DNAH17: variants seen among roughly 807,000 people sequenced by gnomAD.
The protein encoded by DNAH17 is axonemal beta dynein heavy chain 17.
A neutral mutation model predicts 485.6 loss-of-function variants in DNAH17; 376 were observed. The ratio of observed to expected loss-of-function variants is 0.77; its 90% CI spans 0.71 to 0.84. DNAH17 has a LOEUF of 0.84. Ranked by LOEUF, DNAH17 falls within the 40% of genes least tolerant of loss-of-function variation. The pLI is 0.00. For synonymous variants in DNAH17, 3,031 were observed against 2,405.9 expected, an observed-to-expected ratio of 1.26 and a Z score of -7.60; for missense variants, 6,370 against 5,839.3, an observed-to-expected ratio of 1.09 and a Z score of -2.96.
chr17:78,435,378 C>T (rs1333974492), intron 74 of DNAH17, among the ~76,000 whole-genome samples: 3 of 152,132 alleles, frequency 2.0e-5, no homozygotes, highest in Non-Finnish European at 4.4e-5. Context: ...TTCCTGTGGG[C>T]CCTTGTTTTC....
Position 78,475,363 on chromosome 17 carries a change from C to A in DNAH17, c.8426G>T (p.Ser2809Ile). Reference protein sequence around the residue: ...LVGVGGSGKQSLSRLAAYISG... With the variant: ...LVGVGGSGKQILSRLAAYISG... ...GATGTACGCTGCCAGGCGGGAGAGG[C>A]TCTGTTTGCCACTGCCGCCCACCCC... Residue 2809 changes from serine (S) to isoleucine (I), a missense_variant, in exon 54 of 81, where the codon AGC becomes ATC. Transcript: ENST00000389840. 1 of 1,614,012 alleles carries A rather than the reference C, an allele frequency of 6.2e-7. No homozygotes were observed. Among genetic ancestry groups the A allele is most frequent in the Non-Finnish European group, 8.5e-7 (1 of 1,179,904 alleles).
intron 51 of DNAH17, among the ~76,000 whole-genome samples, chr17:78,477,931 CATCACCACCATCACCATT>C (rs1380819261): frequency 1.5e-4 from 22 of 149,152 alleles, no homozygotes; most frequent in African/African-American, 5.4e-4. Context: ...TCACCACCAT[CATCACCACCATCACCATT>C]ATCATCTCCA....
chr17:78,449,478 A>T lies in DNAH17; in HGVS notation c.11147T>A (p.Met3716Lys). ...CTCGAAGAGTCCCCGGGCCGTGTAC[A>T]TGTAGACGGAGTAGGTGATCTCGTC... Reference protein sequence around the residue: ...LTDEITYSVYMYTARGLFERD... With the variant: ...LTDEITYSVYKYTARGLFERD... The change falls in exon 69 of 81, where the codon ATG (methionine) becomes AAG (lysine). Residue 3716 changes from methionine (M) to lysine (K), a missense_variant. Coordinates refer to ENST00000389840, the MANE Select transcript of DNAH17 (RefSeq NM_173628.4). The T allele has an allele frequency of 6.4e-7, 1 of 1,567,730 alleles. No individual in the cohort carries two copies. Among genetic ancestry groups the T allele is most frequent in the Non-Finnish European group, 8.7e-7 (1 of 1,156,046 alleles).
chr17:78,469,006 C>G (rs1329326011), intron 54 of DNAH17, 123 bp from the exon 55 acceptor site: 1 of 1,263,972 alleles, frequency 7.9e-7, no homozygotes, highest in Non-Finnish European at 1.1e-6. Flanking sequence ...CTCTGTCGCC[C>G]AGGCTGGAGT....
chr17:78,451,817 T>TCTC lies in DNAH17; in HGVS notation c.10530-147_10530-145dup, dbSNP rs1210958442. 14 of 642,516 alleles carry TCTC rather than the reference T, an allele frequency of 2.2e-5. No homozygotes were observed. In the African/African-American group the frequency reaches 2.6e-4, roughly 12 times the overall value. 39.8% of individuals were successfully genotyped at this position (642,516 alleles called of 1,614,324 possible). A position where few individuals can be genotyped will look rare whatever the true frequency, so the allele number is the denominator to read the frequency against. ...CTGGTCCCTGGAAGAGCACTGCACC[T>TCTC]CTCCTTGTCTGTTCCTCCTCCCTGG... On this transcript the variant is annotated intron_variant, in intron 65 of 80. Coordinates refer to ENST00000389840, the MANE Select transcript of DNAH17 (RefSeq NM_173628.4).
chr17:78,500,690 G>A (rs2090253307), intron 35 of DNAH17: 1 of 346,658 alleles, frequency 2.9e-6, no homozygotes, highest in Non-Finnish European at 5.2e-6. Context: ...TGTATTTTCA[G>A]TAGAGATGAG....
intron 55 of DNAH17, among the ~76,000 whole-genome samples, chr17:78,468,101 C>A (rs1000045523): frequency 3.4e-5 from 5 of 148,844 alleles, no homozygotes. Context: ...AGGGGGTCCA[C>A]ATAGAGTCGG....
chr17:78,532,569 C>A lies in DNAH17; in HGVS notation c.3027G>T (p.Gly1009=), dbSNP rs369923345. 11 of 1,609,974 alleles carry A rather than the reference C, an allele frequency of 6.8e-6. No individual in the cohort carries two copies. The African/African-American group carries it at 1.3e-4, about 20-fold the overall frequency. Residue 1009 remains glycine (G), a synonymous_variant, in exon 20 of 81, where the codon GGG becomes GGT. Transcript: ENST00000389840. ...CCAAGTCCTCCGCAGTGACTGCACA[C>A]CCATATATCAGGAAATTCTTCATAA... ...QEFMKNFLIY[G]CAVTAEDLDT... is the part of the protein sequence containing the mutation.
chr17:78,527,117 T>C, intron 22 of DNAH17, 121 bp from the exon 23 acceptor site: 1 of 763,398 alleles, frequency 1.3e-6, no homozygotes, highest in Admixed American at 2.9e-5. Flanking sequence ...GCGCGGTGGC[T>C]CACACCTGTA....
In DNAH17 at chr17:78,566,858, C is replaced by T. The variant is rs78865352; in HGVS notation, c.1453-128G>A. 4,999 of 1,294,428 alleles carry T rather than the reference C, an allele frequency of 3.9e-3. 147 individuals carry two copies. In the African/African-American group the frequency reaches 0.062, roughly 16 times the overall value. 80.2% of individuals were successfully genotyped at this position (1,294,428 alleles called of 1,614,324 possible). A position where few individuals can be genotyped will look rare whatever the true frequency, so the allele number is the denominator to read the frequency against. ...CAGCTGAATGTGCTGTTGCGGGGAC[C>T]GCTCTACACAGTTTTCAAAGTGTTG... On this transcript the variant is annotated intron_variant, in intron 10 of 80. Coordinates refer to ENST00000389840, the MANE Select transcript of DNAH17 (RefSeq NM_173628.4).
intron 17 of DNAH17, among the ~76,000 whole-genome samples, chr17:78,543,258 G>T (rs553660513): frequency 4.0e-5 from 6 of 151,652 alleles, no homozygotes; most frequent in African/African-American, 1.2e-4. Context: ...GGGATTACAG[G>T]CATGTGCCAA....
At chr17:78,550,146 G>A (rs1012750256) in intron 16 of DNAH17, among the ~76,000 whole-genome samples, 1 of 152,218 alleles carries the variant, frequency 6.6e-6, no homozygotes, top group Non-Finnish European at 1.5e-5. Flanking sequence ...GAGGAGCGAC[G>A]TCATGCCCAC....
At chr17:78,549,079 T>C (rs923517498) in intron 16 of DNAH17, among the ~76,000 whole-genome samples, 7 of 152,240 alleles carry the variant, frequency 4.6e-5, no homozygotes, top group Admixed American at 6.5e-5. Flanking sequence ...AGAGCCCCTA[T>C]TGGGTGAGTG....
chr17:78,470,965 G>A (rs895418136), intron 54 of DNAH17, among the ~76,000 whole-genome samples: 1 of 152,144 alleles, frequency 6.6e-6, no homozygotes, highest in African/African-American at 2.4e-5. Flanking sequence ...AGTAGGAATA[G>A]CTCGTTATTT....
chr17:78,427,952 G>A (rs2086533699), intron 77 of DNAH17, among the ~76,000 whole-genome samples: 1 of 129,112 alleles, frequency 7.7e-6, no homozygotes, highest in South Asian at 2.6e-4. Flanking sequence ...GGCAACGAGA[G>A]CAAAACTCCG....
At chr17:78,468,039 A>C (rs1598504621) in intron 55 of DNAH17, among the ~76,000 whole-genome samples, 1 of 143,060 alleles carries the variant, frequency 7.0e-6, no homozygotes, top group Non-Finnish European at 1.5e-5. Flanking sequence ...AAAAAGAGAG[A>C]GAGAGAGAGT....
chr17:78,468,740 A>C lies in DNAH17; in HGVS notation c.8655T>G (p.Phe2885Leu). 1 of 1,614,030 alleles carries C rather than the reference A, an allele frequency of 6.2e-7. No homozygotes were observed. The highest frequency in any genetic ancestry group is 8.5e-7 in the Non-Finnish European group (1 of 1,179,894). Residue 2885 changes from phenylalanine (F) to leucine (L), a missense_variant, in exon 55 of 81, where the codon TTT (phenylalanine) becomes TTG (leucine). Transcript: ENST00000389840. Reference protein sequence around the residue: ...LLASGEIPGLFMEDEVENIIS... With the variant: ...LLASGEIPGLLMEDEVENIIS... ...TGATGTTCTCCACCTCGTCCTCCATAAACAGCCCAGGGATCTCTCCTGAGG... is the reference window on the plus strand; with the variant it reads ...TGATGTTCTCCACCTCGTCCTCCATCAACAGCCCAGGGATCTCTCCTGAGG...
chr17:78,451,067 G>A (rs1422781840), intron 66 of DNAH17, among the ~76,000 whole-genome samples: 1 of 152,224 alleles, frequency 6.6e-6, no homozygotes, highest in Non-Finnish European at 1.5e-5. Flanking sequence ...GACTGTAGGG[G>A]GCAGAACGGG....
In DNAH17 at chr17:78,431,798, C is replaced by T. The variant is rs527909192; in HGVS notation, c.12225+2231G>A. On this transcript the variant is annotated intron_variant, in intron 75 of 80. Coordinates refer to ENST00000389840, the MANE Select transcript of DNAH17 (RefSeq NM_173628.4). ...TCAGGATGTGGCAGCCGCTGATGTA[C>T]ATGGTACTCGCGCGGCTTCTCAGCA... 1.8e-4 allele frequency among the ~76,000 whole-genome samples: 27 copies of T among 152,266 alleles called. No individual in the cohort carries two copies. In the South Asian group the frequency reaches 5.6e-3, roughly 32 times the overall value.
Sources: allele counts gnomAD v4.1 joint callset (sites outside exome capture counted in the v4.1 genomes callset), GRCh38; gene constraint gnomAD v4.1.1; transcripts MANE v1.5; gene names NCBI Gene and HGNC (gene_info 2026-07-23, HGNC 2026-07-21).